The following NALF1 variants were observed in gnomAD, a reference collection of about 807,000 sequenced individuals.
NALF1 encodes the protein NALCN channel auxiliary factor 1.
In NALF1, 3 loss-of-function variants were observed where a neutral mutation model predicts 48.4. The ratio of observed to expected loss-of-function variants is 0.06; its 90% CI spans 0.03 to 0.16. NALF1 has a LOEUF of 0.16. Among genes scored for constraint, NALF1 ranks in the 10% least tolerant of loss-of-function variants. NALF1 has a pLI of 1.00. For synonymous variants in NALF1, 262 were observed against 245.7 expected (o/e 1.07, Z -0.62); for missense variants, 526 against 571.5 (o/e 0.92, Z 0.81).
At chr13:107,495,549 T>C (rs1875302176) in intron 1 of NALF1, among the ~76,000 whole-genome samples, 1 of 152,184 alleles carries the variant, frequency 6.6e-6, no homozygotes, top group African/African-American at 2.4e-5. Context: ...GGAAAAACCT[T>C]CTAAGTGTCT....
intron 1 of NALF1, among the ~76,000 whole-genome samples, chr13:107,561,892 C>T (rs1229132771): frequency 1.5e-4 from 23 of 152,184 alleles, no homozygotes. Context: ...ATGTTAAGAA[C>T]TACTTGCATT....
intron 1 of NALF1, among the ~76,000 whole-genome samples, chr13:107,593,910 T>C (rs182593738): frequency 2.6e-5 from 4 of 152,074 alleles, no homozygotes; most frequent in Admixed American, 6.6e-5. Context: ...ATATTTAATC[T>C]TCCTAACAAT....
intron 1 of NALF1, among the ~76,000 whole-genome samples, chr13:107,734,405 A>ACAC (rs796545795): frequency 3.3e-3 from 172 of 52,674 alleles, no homozygotes; most frequent in African/African-American, 7.0e-3. Context: ...TTCCTTTAAA[A>ACAC]AAAAACACAC....
intron 1 of NALF1, among the ~76,000 whole-genome samples, chr13:107,586,015 A>AGAAT (rs1878444676): frequency 6.6e-6 from 1 of 152,162 alleles, no homozygotes; most frequent in South Asian, 2.1e-4. Flanking sequence ...GAGATCTGGA[A>AGAAT]GAATGCCTGT....
chr13:107,322,794 A>C (rs1882282465), intron 1 of NALF1, among the ~76,000 whole-genome samples: 1 of 152,138 alleles, frequency 6.6e-6, no homozygotes, highest in Non-Finnish European at 1.5e-5. Context: ...GTGGAGGCTG[A>C]GTTGCTTTAC....
At chr13:107,528,997 C>G (rs181406650) in intron 1 of NALF1, among the ~76,000 whole-genome samples, 3 of 152,150 alleles carry the variant, frequency 2.0e-5, no homozygotes, top group East Asian at 3.9e-4. Flanking sequence ...GCTAACCCTG[C>G]TTATTTTCCA....
intron 1 of NALF1, among the ~76,000 whole-genome samples, chr13:107,475,102 T>C (rs898325009): frequency 6.6e-5 from 10 of 152,106 alleles, no homozygotes; most frequent in Admixed American, 1.3e-4. Flanking sequence ...GGCACTCACA[T>C]TTGAGAGAAG....
intron 1 of NALF1, among the ~76,000 whole-genome samples, chr13:107,536,102 T>C (rs375435584): frequency 5.3e-5 from 8 of 152,310 alleles, no homozygotes; most frequent in Non-Finnish European, 7.3e-5. Context: ...AATTACATGT[T>C]AGACCTAAAA....
At chr13:107,710,914 T>C (rs189588085) in intron 1 of NALF1, among the ~76,000 whole-genome samples, 84 of 151,466 alleles carry the variant, frequency 5.5e-4, no homozygotes, top group African/African-American at 1.9e-3. Flanking sequence ...TATTAATATA[T>C]ACACACACAC....
chr13:107,723,127 T>C (rs928058845), intron 1 of NALF1, among the ~76,000 whole-genome samples: 8 of 152,198 alleles, frequency 5.3e-5, no homozygotes, highest in African/African-American at 1.9e-4. Context: ...AGTCAGCGGA[T>C]TGGGCCCCAA....
intron 1 of NALF1, among the ~76,000 whole-genome samples, chr13:107,634,565 G>A (rs1216293304): frequency 2.0e-5 from 3 of 152,102 alleles, no homozygotes; most frequent in African/African-American, 7.2e-5. Flanking sequence ...AAATACTTAG[G>A]AAGTGGGACT....
At chr13:107,835,208 G>A (rs186451295) in intron 1 of NALF1, among the ~76,000 whole-genome samples, 21 of 152,326 alleles carry the variant, frequency 1.4e-4, no homozygotes, top group African/African-American at 4.8e-4. Context: ...GAGCCTAGAA[G>A]AGCATGGATT....
chr13:107,562,577 G>A (rs367645251), intron 1 of NALF1, among the ~76,000 whole-genome samples: 3 of 152,280 alleles, frequency 2.0e-5, no homozygotes, highest in African/African-American at 2.4e-5. Flanking sequence ...GTTGATAAAT[G>A]CTGTGGATGG....
At chr13:107,175,484 A>G (rs1160041742) in intron 2 of NALF1, among the ~76,000 whole-genome samples, 1 of 152,078 alleles carries the variant, frequency 6.6e-6, no homozygotes, top group Admixed American at 6.6e-5. Flanking sequence ...AGAGGTTTTG[A>G]TTATTGTCTC....
At chr13:107,805,222 T>C (rs1878740648) in intron 1 of NALF1, among the ~76,000 whole-genome samples, 2 of 152,218 alleles carry the variant, frequency 1.3e-5, no homozygotes, top group African/African-American at 2.4e-5. Context: ...TTACTGTAAG[T>C]AAATTTCATA....
At chr13:107,301,157 T>G (rs902132185) in intron 1 of NALF1, among the ~76,000 whole-genome samples, 6 of 152,192 alleles carry the variant, frequency 3.9e-5, no homozygotes, top group Non-Finnish European at 8.8e-5. Flanking sequence ...GCTACTGAAG[T>G]CTAGTTCCCC....
intron 1 of NALF1, among the ~76,000 whole-genome samples, chr13:107,771,704 G>A (rs1219101994): frequency 4.6e-5 from 7 of 152,098 alleles, no homozygotes; most frequent in Non-Finnish European, 5.9e-5. Context: ...TCAGACTTGA[G>A]AGTGTCCAGA....
Position 107,176,779 on chromosome 13 carries a change from G to T in NALF1, c.1088-5993C>A, listed in dbSNP as rs192492110. Among the ~76,000 whole-genome samples, 68 of 152,148 alleles carry T rather than the reference G, an allele frequency of 4.5e-4. No homozygotes were observed. The East Asian group carries it at 0.011, about 25-fold the overall frequency. On this transcript the variant is annotated intron_variant, in intron 2 of 2. Transcript: ENST00000375915. The stretch of plus-strand genomic sequence containing the variant: ...CTAAAATCAGAATTCATTATCAGGG[G>T]AATTCCTACCTAGAGGAATCAGGCA...
At chr13:107,234,201 G>A (rs1022183259) in intron 1 of NALF1, among the ~76,000 whole-genome samples, 2 of 152,118 alleles carry the variant, frequency 1.3e-5, no homozygotes, top group Admixed American at 6.6e-5. Context: ...TCTTTCAAAC[G>A]TTCTCTGTCT....
Sources: gnomAD v4.1 joint callset for allele counts (sites outside exome capture counted in the v4.1 genomes callset) on GRCh38, gnomAD v4.1.1 for gene constraint, MANE v1.5 for transcripts, NCBI Gene and HGNC (gene_info 2026-07-23, HGNC 2026-07-21) for gene names.